The following EPB41L3 variants were observed in gnomAD, a reference collection of about 807,000 sequenced individuals.
EPB41L3 encodes the protein band 4.1-like protein 3.
A neutral mutation model predicts 127.1 loss-of-function variants in EPB41L3; 57 were observed. That is an observed-to-expected ratio of 0.45 (90% CI 0.36 to 0.56). The LOEUF (loss-of-function observed/expected upper bound fraction) is 0.56. Ranked by LOEUF, EPB41L3 falls within the 20% of genes least tolerant of loss-of-function variation. The pLI, the probability that EPB41L3 is intolerant of heterozygous loss-of-function variation, is 0.00. For missense variants in EPB41L3, 1,273 were observed against 1,372.2 expected (o/e 0.93, Z 1.14); for synonymous variants, 572 against 549.5 (o/e 1.04, Z -0.57).
intron 1 of EPB41L3, among the ~76,000 whole-genome samples, chr18:5,620,132 TAAA>T (rs35117867): frequency 6.7e-6 from 1 of 149,490 alleles, no homozygotes; most frequent in Non-Finnish European, 1.5e-5. Flanking sequence ...TTATCAAGTT[TAAA>T]AAAAAAAGGT....
intron 11 of EPB41L3, among the ~76,000 whole-genome samples, chr18:5,420,711 G>A (rs2077372339): frequency 6.6e-6 from 1 of 152,124 alleles, no homozygotes; most frequent in Non-Finnish European, 1.5e-5. Context: ...GCTTAATTAA[G>A]TTTTAAAAGT....
At chr18:5,447,472 T>TTA (rs398031893) in intron 3 of EPB41L3, among the ~76,000 whole-genome samples, 3 of 147,804 alleles carry the variant, frequency 2.0e-5, no homozygotes, top group African/African-American at 7.7e-5. Flanking sequence ...TTTTTTTTTT[T>TTA]ACCTACATAC....
chr18:5,454,257 G>A (rs2082717905), intron 3 of EPB41L3, among the ~76,000 whole-genome samples: 2 of 143,828 alleles, frequency 1.4e-5, no homozygotes, highest in Admixed American at 1.4e-4. Context: ...CCAAAGCGCC[G>A]TGGTCAAACC....
intron 1 of EPB41L3, among the ~76,000 whole-genome samples, chr18:5,628,171 CATT>C (rs1419004354): frequency 6.6e-6 from 1 of 152,218 alleles, no homozygotes; most frequent in East Asian, 1.9e-4. Context: ...CGGTAACTGC[CATT>C]ATTTGAATGC....
intron 3 of EPB41L3, among the ~76,000 whole-genome samples, chr18:5,610,749 C>T (rs953070142): frequency 6.6e-6 from 1 of 152,000 alleles, no homozygotes. Flanking sequence ...CAGTCAGAAC[C>T]ACAGAATAGA....
At chr18:5,534,135 C>A (rs2093498925) in intron 1 of EPB41L3, among the ~76,000 whole-genome samples, 1 of 152,158 alleles carries the variant, frequency 6.6e-6, no homozygotes, top group East Asian at 1.9e-4. Context: ...TGCACTCCAG[C>A]CTGGGTGACA....
chr18:5,563,237 T>A (rs909690003), intron 3 of EPB41L3, among the ~76,000 whole-genome samples: 6 of 152,158 alleles, frequency 3.9e-5, no homozygotes, highest in Non-Finnish European at 8.8e-5. Flanking sequence ...CCCAAGTGAT[T>A]GACAATTATG....
At chr18:5,494,897 G>A (rs906768980) in intron 1 of EPB41L3, among the ~76,000 whole-genome samples, 2 of 152,088 alleles carry the variant, frequency 1.3e-5, no homozygotes, top group African/African-American at 2.4e-5. Context: ...CCTGACCCTC[G>A]CTAAGGAGAC....
chr18:5,630,317 C>A (rs2094979606), upstream of EPB41L3: 6 of 512,628 alleles, frequency 1.2e-5, no homozygotes, highest in Non-Finnish European at 1.9e-5. Flanking sequence ...CGCCCCTGCC[C>A]ACGGGGCTAG....
Position 5,553,269 on chromosome 18 carries a change from T to A in EPB41L3, c.-306+59071A>T, listed in dbSNP as rs1160604337. On this transcript the variant is annotated intron_variant, in intron 3 of 21. Coordinates refer to the EPB41L3 transcript ENST00000545076. ...GCCACACAGTGTTTTAAGGGGTTTCTGTGCACATTATCTCTTTGTTCCTCA... is the reference window on the plus strand; with the variant it reads ...GCCACACAGTGTTTTAAGGGGTTTCAGTGCACATTATCTCTTTGTTCCTCA... Among the ~76,000 whole-genome samples the A allele has an allele frequency of 2.6e-5, 4 of 152,342 alleles. No individual in the cohort carries two copies. The East Asian group carries it at 7.7e-4, about 29-fold the overall frequency.
At chr18:5,529,926 A>ATGTG (rs762060217) in intron 1 of EPB41L3, among the ~76,000 whole-genome samples, 47 of 91,610 alleles carry the variant, frequency 5.1e-4, no homozygotes, top group African/African-American at 1.8e-3. Flanking sequence ...ATCAACTCAT[A>ATGTG]TATGTGTGTG....
chr18:5,574,583 G>T (rs1219000198), intron 3 of EPB41L3, among the ~76,000 whole-genome samples: 1 of 151,972 alleles, frequency 6.6e-6, no homozygotes, highest in Non-Finnish European at 1.5e-5. Flanking sequence ...CAATGTGGTT[G>T]ATGCTGCACA....
At chr18:5,537,131 C>CGA (rs2093598727) in intron 1 of EPB41L3, among the ~76,000 whole-genome samples, 1 of 152,082 alleles carries the variant, frequency 6.6e-6, no homozygotes, top group Non-Finnish European at 1.5e-5. Context: ...ATAGCAAGGC[C>CGA]GAGAGCCCAA....
intron 16 of EPB41L3, among the ~76,000 whole-genome samples, chr18:5,404,076 G>T (rs964950435): frequency 6.6e-6 from 1 of 152,146 alleles, no homozygotes; most frequent in African/African-American, 2.4e-5. Context: ...GTATAAACTT[G>T]ATGTCATCGA....
intron 1 of EPB41L3, among the ~76,000 whole-genome samples, chr18:5,496,971 T>C (rs188410035): frequency 2.6e-4 from 40 of 152,160 alleles, no homozygotes; most frequent in African/African-American, 9.7e-4. Flanking sequence ...TTAAAGGAAA[T>C]AGCTGGCTGC....
chr18:5,610,351 C>T, intron 3 of EPB41L3: 1 of 926,530 alleles, frequency 1.1e-6, no homozygotes, highest in Non-Finnish European at 1.3e-6. Context: ...ACCCCACTGC[C>T]AATACAGTGG....
At chr18:5,481,653 C>G (rs1395103194) in intron 2 of EPB41L3, among the ~76,000 whole-genome samples, 1 of 152,224 alleles carries the variant, frequency 6.6e-6, no homozygotes, top group Non-Finnish European at 1.5e-5. Flanking sequence ...CCTGGACACT[C>G]TGCTCTGTAA....
chr18:5,500,734 C>T (rs2091668665), intron 1 of EPB41L3, among the ~76,000 whole-genome samples: 2 of 152,104 alleles, frequency 1.3e-5, no homozygotes, highest in African/African-American at 4.8e-5. Context: ...CAAATAAGCC[C>T]TAAACAAATA....
chr18:5,630,391 C>G (rs1183839039), upstream of EPB41L3: 1 of 518,782 alleles, frequency 1.9e-6, no homozygotes. Flanking sequence ...GTCACCGAAG[C>G]CTTCCTTTGG....
Sources: allele counts gnomAD v4.1 joint callset (sites outside exome capture counted in the v4.1 genomes callset), GRCh38; gene constraint gnomAD v4.1.1; transcripts MANE v1.5; gene names NCBI Gene and HGNC (gene_info 2026-07-23, HGNC 2026-07-21).